Variants in PLCB1 observed in about 807,000 individuals in gnomAD.
The protein encoded by PLCB1 is phospholipase C beta 1.
In PLCB1, 46 loss-of-function variants were observed where a neutral mutation model predicts 161.8. The ratio of observed to expected loss-of-function variants is 0.28; its 90% CI spans 0.22 to 0.36. PLCB1 has a LOEUF of 0.36. Ranked by LOEUF, PLCB1 falls within the 10% of genes least tolerant of loss-of-function variation. The pLI is 1.00. For synonymous variants in PLCB1, 517 were observed against 503.7 expected (o/e 1.03, Z -0.35); for missense variants, 1,016 against 1,472.5 (o/e 0.69, Z 5.07).
At chr20:8,686,994 A>G (rs1489948395) in intron 10 of PLCB1, among the ~76,000 whole-genome samples, 1 of 147,744 alleles carries the variant, frequency 6.8e-6, no homozygotes, top group Non-Finnish European at 1.5e-5. Context: ...TCACATAAAT[A>G]TTTCTACTTC....
rs532278745 is a variant in PLCB1, at chr20:8,170,722, C to T, written c.177+20351C>T. Among the ~76,000 whole-genome samples, 47 of 152,122 alleles carry T rather than the reference C, an allele frequency of 3.1e-4. 1 individual carries two copies. The highest frequency in any genetic ancestry group is 1.1e-3 in the African/African-American group (46 of 41,500). On this transcript the variant is annotated intron_variant, in intron 2 of 31. Transcript: ENST00000338037. Reference sequence around the variant, plus strand: ...AAAACCGTGAATAGAAAAGACTGAGCCTAGGAAGAAATAAAAAAGGAGCCC... The same window carrying T: ...AAAACCGTGAATAGAAAAGACTGAGTCTAGGAAGAAATAAAAAAGGAGCCC...
At chr20:8,511,264 C>T (rs1983879444) in intron 3 of PLCB1, among the ~76,000 whole-genome samples, 1 of 152,116 alleles carries the variant, frequency 6.6e-6, no homozygotes, top group South Asian at 2.1e-4. Flanking sequence ...CTTAGCGTAA[C>T]TTCCTCCAAG....
In PLCB1 at chr20:8,739,438, G is replaced by T; in HGVS notation, c.2308+78G>T. 6 of 882,220 alleles carry T rather than the reference G, an allele frequency of 6.8e-6. No individual in the cohort carries two copies. In the South Asian group the frequency reaches 7.0e-5, roughly 10 times the overall value. 54.6% of individuals were successfully genotyped at this position (882,220 alleles called of 1,614,324 possible). The stretch of plus-strand genomic sequence containing the variant: ...ACTGCTTAAAATATTACTAGAAAAT[G>T]ACTTAAGAAACTATTTTCTGCTTTG... On this transcript the variant is annotated intron_variant, in intron 21 of 31. Transcript: ENST00000338037.
chr20:8,425,608 G>A (rs1243893859), intron 3 of PLCB1, among the ~76,000 whole-genome samples: 1 of 151,610 alleles, frequency 6.6e-6, no homozygotes, highest in Non-Finnish European at 1.5e-5. Flanking sequence ...TTCCACAAAC[G>A]GATTCTATTT....
At chr20:8,267,152 T>C (rs969579054) in intron 2 of PLCB1, among the ~76,000 whole-genome samples, 2 of 152,098 alleles carry the variant, frequency 1.3e-5, no homozygotes, top group Non-Finnish European at 2.9e-5. Flanking sequence ...TACCTTCTAA[T>C]GGTGGAGGAA....
intron 3 of PLCB1, among the ~76,000 whole-genome samples, chr20:8,593,126 T>C (rs1008536718): frequency 3.3e-5 from 5 of 152,084 alleles, no homozygotes; most frequent in African/African-American, 1.2e-4. Flanking sequence ...TTCCCCATCT[T>C]TTGCCCCAAC....
chr20:8,843,364 G>A (rs943313712), intron 31 of PLCB1, among the ~76,000 whole-genome samples: 2 of 152,098 alleles, frequency 1.3e-5, no homozygotes, highest in African/African-American at 2.4e-5. Context: ...AGGATCTCCT[G>A]GCTTTGGCAA....
intron 3 of PLCB1, among the ~76,000 whole-genome samples, chr20:8,422,288 A>G (rs1979571078): frequency 1.3e-5 from 2 of 152,218 alleles, no homozygotes; most frequent in African/African-American, 4.8e-5. Flanking sequence ...AAGAGCAGAG[A>G]AGTCCAGAAT....
At chr20:8,418,202 A>G (rs1027045776) in intron 3 of PLCB1, among the ~76,000 whole-genome samples, 3 of 152,196 alleles carry the variant, frequency 2.0e-5, no homozygotes, top group Non-Finnish European at 4.4e-5. Flanking sequence ...TTAAGTCCCA[A>G]AAGTAGATGC....
intron 10 of PLCB1, among the ~76,000 whole-genome samples, chr20:8,696,852 G>A (rs973793503): frequency 3.9e-5 from 6 of 152,048 alleles, no homozygotes; most frequent in Non-Finnish European, 7.4e-5. Flanking sequence ...TCCTGCCTCA[G>A]CCTCCTGAGT....
At chr20:8,395,851 A>G (rs1316255463) in intron 3 of PLCB1, among the ~76,000 whole-genome samples, 1 of 152,016 alleles carries the variant, frequency 6.6e-6, no homozygotes, top group Non-Finnish European at 1.5e-5. Flanking sequence ...TCTAGACTAT[A>G]AAATATAGAA....
In PLCB1 at chr20:8,774,689, A is replaced by C; in HGVS notation, c.3081A>C (p.Glu1027Asp). 6.2e-7 allele frequency: 1 copy of C among 1,607,762 alleles called. No homozygotes were observed. The highest frequency in any genetic ancestry group is 8.5e-7 in the Non-Finnish European group (1 of 1,175,376). ...TTCGGCAAGAACAGTATTATAGTGAAAAATACCAGAAGCGAGAACATATTA... is the reference window on the plus strand; with the variant it reads ...TTCGGCAAGAACAGTATTATAGTGACAAATACCAGAAGCGAGAACATATTA... The part of the protein sequence containing the change: ...LNLRQEQYYS[E>D]KYQKREHIKL... Residue 1027 changes from glutamate to aspartate, a missense_variant, in exon 27 of 32, where the codon GAA (glutamate) becomes GAC (aspartate). Glu to Asp is a conservative substitution (Grantham distance 45). Coordinates refer to ENST00000338037, the MANE Select transcript of PLCB1 (RefSeq NM_015192.4).
In PLCB1 at chr20:8,343,600, C is replaced by T. The variant is rs142871007; in HGVS notation, c.178-27782C>T. On this transcript the variant is annotated intron_variant, in intron 2 of 31. Transcript: ENST00000338037. Reference sequence around the variant, plus strand: ...TTGTACATGTTTTAAAAACTGCTAACGATTCTCAATGGATCATTTAGTATA... The same window carrying T: ...TTGTACATGTTTTAAAAACTGCTAATGATTCTCAATGGATCATTTAGTATA... 1.1e-3 allele frequency among the ~76,000 whole-genome samples: 167 copies of T among 152,272 alleles called. 7 individuals carry two copies. The South Asian group carries it at 0.032, about 29-fold the overall frequency.
intron 3 of PLCB1, among the ~76,000 whole-genome samples, chr20:8,498,603 A>G (rs1435708283): frequency 6.6e-6 from 1 of 152,182 alleles, no homozygotes; most frequent in Non-Finnish European, 1.5e-5. Flanking sequence ...AGATAGTTAT[A>G]GTTGGTGATG....
intron 31 of PLCB1, among the ~76,000 whole-genome samples, chr20:8,809,141 A>G (rs929718075): frequency 2.6e-5 from 4 of 152,046 alleles, no homozygotes; most frequent in African/African-American, 9.7e-5. Flanking sequence ...AGCTGAGAAT[A>G]CAGGCTTACC....
At chr20:8,806,681 C>T (rs1984554703) in intron 31 of PLCB1, among the ~76,000 whole-genome samples, 2 of 152,128 alleles carry the variant, frequency 1.3e-5, no homozygotes, top group Admixed American at 6.6e-5. Context: ...TTAGAGTACA[C>T]GTTGGGCTTT....
At chr20:8,465,443 C>G (rs1443011476) in intron 3 of PLCB1, among the ~76,000 whole-genome samples, 1 of 152,058 alleles carries the variant, frequency 6.6e-6, no homozygotes, top group South Asian at 2.1e-4. Context: ...GAATTTATTG[C>G]CAGTTACAGC....
chr20:8,321,497 A>G (rs891821592), intron 2 of PLCB1, among the ~76,000 whole-genome samples: 1 of 152,110 alleles, frequency 6.6e-6, no homozygotes, highest in Non-Finnish European at 1.5e-5. Flanking sequence ...CCTGGCAATT[A>G]GGAGAACCTT....
chr20:8,188,647 A>G (rs373128018), intron 2 of PLCB1, among the ~76,000 whole-genome samples: 1 of 152,114 alleles, frequency 6.6e-6, no homozygotes, highest in African/African-American at 2.4e-5. Flanking sequence ...TCTTTTGGAA[A>G]CTTCCTGGGA....
Sources: allele counts gnomAD v4.1 joint callset (sites outside exome capture counted in the v4.1 genomes callset), GRCh38; gene constraint gnomAD v4.1.1; transcripts MANE v1.5; gene names NCBI Gene and HGNC (gene_info 2026-07-23, HGNC 2026-07-21).